The following WDTC1 variants were observed in gnomAD, a reference collection of about 807,000 sequenced individuals.
WDTC1 encodes the protein WD and tetratricopeptide repeats protein 1.
WDTC1 carries 12 observed loss-of-function variants against 76.0 expected under a neutral mutation model. The ratio of observed to expected loss-of-function variants is 0.16; its 90% CI spans 0.10 to 0.26. The LOEUF (loss-of-function observed/expected upper bound fraction) is 0.26, where lower values mean the gene tolerates loss of function less well. Among genes scored for constraint, WDTC1 ranks in the 10% least tolerant of loss-of-function variants. The probability of loss-of-function intolerance (pLI) is 1.00; values close to 1 mark genes in which losing one functional copy is unlikely to be tolerated. For synonymous variants in WDTC1, 326 were observed against 350.8 expected (o/e 0.93, Z 0.79); for missense variants, 511 against 908.8 (o/e 0.56, Z 5.63).
intron 3 of WDTC1, among the ~76,000 whole-genome samples, chr1:27,269,357 C>G (rs1460358510): frequency 6.8e-6 from 1 of 147,286 alleles, no homozygotes; most frequent in Non-Finnish European, 1.5e-5. Context: ...AAAAAAAGTA[C>G]AAAACAGTAA....
intron 1 of WDTC1, among the ~76,000 whole-genome samples, chr1:27,242,109 C>T (rs757595651): frequency 6.6e-6 from 1 of 151,986 alleles, no homozygotes; most frequent in Non-Finnish European, 1.5e-5. Context: ...CCAGGCTGGT[C>T]TCCAACTCCT....
intron 3 of WDTC1, among the ~76,000 whole-genome samples, chr1:27,264,304 A>G (rs2012586846): frequency 6.6e-6 from 1 of 152,116 alleles, no homozygotes; most frequent in Non-Finnish European, 1.5e-5. Flanking sequence ...GAAAAAAATA[A>G]AAGAAAGCCA....
At chr1:27,268,370 CT>C (rs982089060) in intron 3 of WDTC1, among the ~76,000 whole-genome samples, 10 of 148,470 alleles carry the variant, frequency 6.7e-5, no homozygotes, top group South Asian at 2.2e-4. Context: ...TTTCAAGATA[CT>C]TTTTTTTTTA....
At chr1:27,236,005 G>C (rs1191798237) in intron 1 of WDTC1, among the ~76,000 whole-genome samples, 1 of 152,042 alleles carries the variant, frequency 6.6e-6, no homozygotes, top group Non-Finnish European at 1.5e-5. Context: ...ACTATTTTGA[G>C]GGCAGCTTCT....
chr1:27,269,492 T>C (rs1192716418), intron 3 of WDTC1, among the ~76,000 whole-genome samples: 1 of 151,436 alleles, frequency 6.6e-6, no homozygotes, highest in African/African-American at 2.4e-5. Flanking sequence ...TAAGTGTGGA[T>C]GGGCTATTCA....
chr1:27,250,866 T>G (rs1057010322), intron 1 of WDTC1, among the ~76,000 whole-genome samples: 7 of 150,856 alleles, frequency 4.6e-5, no homozygotes, highest in East Asian at 1.9e-4. Flanking sequence ...TTGACTTGTT[T>G]TTTTTTTTTT....
intron 3 of WDTC1, among the ~76,000 whole-genome samples, chr1:27,270,179 C>T (rs2012825531): frequency 6.6e-6 from 1 of 152,094 alleles, no homozygotes; most frequent in African/African-American, 2.4e-5. Context: ...CCACCTTGGC[C>T]TCTCAAAGTG....
intron 3 of WDTC1, among the ~76,000 whole-genome samples, chr1:27,263,515 G>A (rs976883676): frequency 3.3e-5 from 5 of 152,116 alleles, no homozygotes; most frequent in Admixed American, 2.0e-4. Flanking sequence ...CTTACTGCAA[G>A]CTCTGCCTCC....
rs562982705 is a variant in WDTC1, at chr1:27,303,869, G to A, written c.1643+74G>A. On this transcript the variant is annotated intron_variant, in intron 14 of 15. Coordinates refer to ENST00000319394, the MANE Select transcript of WDTC1 (RefSeq NM_001276252.2). The surrounding 1 kb of genome is among the most constrained non-coding windows in gnomAD (Gnocchi z 4.8). Reference sequence around the variant, plus strand: ...TGAGTGGGGAGTGTTGGGGCATAATGGTTTCAGAGAAGAATCTCAAATCCC... The same window carrying A: ...TGAGTGGGGAGTGTTGGGGCATAATAGTTTCAGAGAAGAATCTCAAATCCC... 128 of 1,572,140 alleles carry A rather than the reference G, an allele frequency of 8.1e-5. No individual in the cohort carries two copies. In the African/African-American group the frequency reaches 1.6e-3, roughly 19 times the overall value.
At chr1:27,304,945 T>C (rs1203809218) in intron 14 of WDTC1, 56 bp from the exon 15 acceptor site, 12 of 1,543,868 alleles carry the variant, frequency 7.8e-6, no homozygotes, top group Non-Finnish European at 1.1e-5. Context: ...CAGCCTCTAC[T>C]TGAGGCTGTA....
At chr1:27,245,626 A>G (rs1396513058) in intron 1 of WDTC1, among the ~76,000 whole-genome samples, 2 of 150,852 alleles carry the variant, frequency 1.3e-5, no homozygotes, top group Non-Finnish European at 2.9e-5. Context: ...GTGGAGTGCA[A>G]TGGCGCAATC....
intron 6 of WDTC1, among the ~76,000 whole-genome samples, chr1:27,291,554 C>T (rs908594624): frequency 6.6e-6 from 1 of 152,168 alleles, no homozygotes; most frequent in Admixed American, 6.5e-5. Context: ...ATTGGCAGCA[C>T]AAAGTTTCCC....
rs550244931 is a variant in WDTC1 at position 27,256,124 on chromosome 1, A to G, written c.-99-4832A>G. 2.0e-5 allele frequency among the ~76,000 whole-genome samples: 3 copies of G among 152,326 alleles called. No homozygotes were observed. In the East Asian group the frequency reaches 5.8e-4, roughly 29 times the overall value. On this transcript the variant is annotated intron_variant, in intron 1 of 15. Coordinates refer to ENST00000319394, the MANE Select transcript of WDTC1 (RefSeq NM_001276252.2). ...AGTCATGCTTGAAGAATGCTAAAACAAGAGAAACTGGGCAATAGGCAGGAC... is the reference window on the plus strand; with the variant it reads ...AGTCATGCTTGAAGAATGCTAAAACGAGAGAAACTGGGCAATAGGCAGGAC...
At chr1:27,237,971 C>T (rs1557471855) in intron 1 of WDTC1, among the ~76,000 whole-genome samples, 1 of 152,042 alleles carries the variant, frequency 6.6e-6, no homozygotes, top group East Asian at 1.9e-4. Flanking sequence ...TAAAAAGTGA[C>T]TGACATTTTA....
chr1:27,278,959 A>G (rs2013112680), intron 3 of WDTC1, among the ~76,000 whole-genome samples: 1 of 152,152 alleles, frequency 6.6e-6, no homozygotes, highest in Non-Finnish European at 1.5e-5. Flanking sequence ...GCTACTTGAG[A>G]GACTGAGGCA....
At chr1:27,293,525 T>C (rs1350092762) in intron 7 of WDTC1, among the ~76,000 whole-genome samples, 1 of 152,104 alleles carries the variant, frequency 6.6e-6, no homozygotes. Flanking sequence ...TTATAATTTC[T>C]TATATAAATC....
At chr1:27,239,388 A>G (rs918305961) in intron 1 of WDTC1, among the ~76,000 whole-genome samples, 5 of 151,216 alleles carry the variant, frequency 3.3e-5, no homozygotes, top group African/African-American at 1.2e-4. Context: ...CAGGTGTGGT[A>G]GCATGTGCCT....
At chr1:27,289,119 T>A (rs1325166464) in intron 6 of WDTC1, among the ~76,000 whole-genome samples, 1 of 122,354 alleles carries the variant, frequency 8.2e-6, no homozygotes, top group Non-Finnish European at 1.7e-5. Context: ...GGCGGCTGGC[T>A]GGGCAGAGGG....
chr1:27,285,085 G>A (rs1340734611), intron 5 of WDTC1, among the ~76,000 whole-genome samples: 1 of 142,218 alleles, frequency 7.0e-6, no homozygotes, highest in African/African-American at 2.7e-5. Flanking sequence ...CGCCCAGGCT[G>A]GAGTGCAGTT....
Sources: allele counts gnomAD v4.1 joint callset (sites outside exome capture counted in the v4.1 genomes callset), GRCh38; gene constraint gnomAD v4.1.1; non-coding constraint Gnocchi (gnomAD v3.1); transcripts MANE v1.5; gene names NCBI Gene and HGNC (gene_info 2026-07-23, HGNC 2026-07-21).